APLP2: variants seen among roughly 807,000 people sequenced by gnomAD.
APLP2 encodes the protein CDEI box-binding protein.
Under a neutral mutation model 89.9 loss-of-function variants are expected in APLP2, and 53 were observed. That is an observed-to-expected ratio of 0.59 (90% CI 0.47 to 0.74). The LOEUF (loss-of-function observed/expected upper bound fraction) is 0.74, where lower values mean the gene tolerates loss of function less well. APLP2 is among the 30% of genes least tolerant of loss of function. The probability of loss-of-function intolerance (pLI) is 0.00; values close to 1 mark genes in which losing one functional copy is unlikely to be tolerated. For missense variants in APLP2, 973 were observed against 975.9 expected (o/e 1.00, Z 0.04); for synonymous variants, 372 against 348.6 (o/e 1.07, Z -0.75).
intron 1 of APLP2, among the ~76,000 whole-genome samples, chr11:130,080,447 C>T (rs1942948709): frequency 6.6e-6 from 1 of 151,968 alleles, no homozygotes; most frequent in Non-Finnish European, 1.5e-5. Flanking sequence ...TCAAGTGATC[C>T]ACCCACCTTG....
intron 1 of APLP2, among the ~76,000 whole-genome samples, chr11:130,092,728 A>G (rs1169462662): frequency 6.9e-6 from 1 of 145,566 alleles, no homozygotes; most frequent in East Asian, 2.2e-4. Context: ...GGGGAGGGAG[A>G]GGGAGCTCTG....
chr11:130,098,196 G>A (rs1565566884), intron 1 of APLP2, among the ~76,000 whole-genome samples: 1 of 152,098 alleles, frequency 6.6e-6, no homozygotes, highest in Non-Finnish European at 1.5e-5. Context: ...CATGAGGTCA[G>A]GAGATGGAGA....
intron 7 of APLP2, among the ~76,000 whole-genome samples, chr11:130,124,656 C>T (rs1333997581): frequency 1.3e-5 from 2 of 152,212 alleles, no homozygotes; most frequent in East Asian, 1.9e-4. Context: ...GCTATAGCTT[C>T]TGACGGTTTT....
At chr11:130,136,531 C>T (rs960489041) in intron 13 of APLP2, among the ~76,000 whole-genome samples, 1 of 152,144 alleles carries the variant, frequency 6.6e-6, no homozygotes, top group Admixed American at 6.5e-5. Flanking sequence ...CGAATCCAAG[C>T]TGATCTGGTC....
At position 130,144,391 on chromosome 11, in the gene APLP2, A is replaced by C. The variant is rs966123043; in HGVS notation, c.*943A>C. On this transcript the variant is annotated 3_prime_UTR_variant, in exon 17 of 17. Coordinates refer to ENST00000338167, the MANE Select transcript of APLP2 (RefSeq NM_001142276.2). ...CGGCCTTGTGACATTCACTCAGAGA[A>C]GACCACACCAAGGAGGCGGCCGCTG... 2.0e-5 allele frequency: 3 copies of C among 152,284 alleles called. No individual in the cohort carries two copies. Among genetic ancestry groups the C allele is most frequent in the African/African-American group, 7.2e-5 (3 of 41,434 alleles). 9.4% of individuals were successfully genotyped at this position (152,284 alleles called of 1,614,324 possible).
At chr11:130,106,664 C>G (rs762246337) in intron 1 of APLP2, among the ~76,000 whole-genome samples, 2 of 151,380 alleles carry the variant, frequency 1.3e-5, no homozygotes, top group Non-Finnish European at 2.9e-5. Context: ...CTTCCTTGAT[C>G]AGCTTCCTAC....
chr11:130,091,760 G>A, intron 1 of APLP2, among the ~76,000 whole-genome samples: 1 of 149,698 alleles, frequency 6.7e-6, no homozygotes, highest in African/African-American at 2.5e-5. Context: ...CGGCTGGCCA[G>A]GCGGGGGGCT....
intron 3 of APLP2, among the ~76,000 whole-genome samples, chr11:130,114,541 C>T (rs1157985499): frequency 6.6e-6 from 1 of 152,192 alleles, no homozygotes; most frequent in Admixed American, 6.5e-5. Flanking sequence ...CCAGTGGGGG[C>T]CCCGTTATGC....
chr11:130,104,714 C>T (rs765682843), intron 1 of APLP2, among the ~76,000 whole-genome samples: 6 of 152,108 alleles, frequency 3.9e-5, no homozygotes, highest in African/African-American at 7.2e-5. Flanking sequence ...TGTAGCTTCA[C>T]GTGCATTCAT....
Position 130,072,136 on chromosome 11 carries a change from A to G in APLP2, c.105+2054A>G, listed in dbSNP as rs968073516. ...ACACCTGTTTAAAAAGAAAAAGCTC[A>G]CCTCTGGACTCAGGGTCACTTCCTC... On this transcript the variant is annotated intron_variant, in intron 1 of 16. Transcript: ENST00000338167. Among the ~76,000 whole-genome samples, 7 of 152,098 alleles carry G rather than the reference A, an allele frequency of 4.6e-5. No individual in the cohort carries two copies. In the East Asian group the frequency reaches 1.3e-3, roughly 29 times the overall value.
chr11:130,120,059 G>T (rs1219401514), intron 3 of APLP2, among the ~76,000 whole-genome samples: 1 of 152,180 alleles, frequency 6.6e-6, no homozygotes, highest in Non-Finnish European at 1.5e-5. Flanking sequence ...GTTTTAGCAT[G>T]ATTAGATTCA....
chr11:130,127,666 G>GT, intron 8 of APLP2, 100 bp from the exon 9 acceptor site: 1 of 996,398 alleles, frequency 1.0e-6, no homozygotes, highest in South Asian at 1.3e-5. Flanking sequence ...TCCTTTTGCA[G>GT]TTTCCTGTGA....
Position 130,132,604 on chromosome 11 carries a change from C to CTT in APLP2, c.1585-1011_1585-1010dup, listed in dbSNP as rs61481686. Reference sequence around the variant, plus strand: ...AAAAATAGTGACCACTTCTAATGGCCTTTTTTTTTTTTTTTAAATAATGAA... The same window carrying CTT: ...AAAAATAGTGACCACTTCTAATGGCCTTTTTTTTTTTTTTTTTAAATAATGAA... On this transcript the variant is annotated intron_variant, in intron 11 of 16. Coordinates refer to ENST00000338167, the MANE Select transcript of APLP2 (RefSeq NM_001142276.2). 6.8e-3 allele frequency among the ~76,000 whole-genome samples: 907 copies of CTT among 134,102 alleles called. 50 individuals are homozygous for CTT. In the East Asian group the frequency reaches 0.14, roughly 21 times the overall value. The allele number at this position is 134,102 out of a possible 152,430, so 88.0% of individuals were successfully genotyped here. A position where few individuals can be genotyped will look rare whatever the true frequency, so the allele number is the denominator to read the frequency against.
intron 16 of APLP2, among the ~76,000 whole-genome samples, chr11:130,142,912 C>G (rs181909670): frequency 6.6e-6 from 1 of 152,184 alleles, no homozygotes; most frequent in Non-Finnish European, 1.5e-5. Context: ...TGCACCTGGC[C>G]AGTTACTTGG....
intron 3 of APLP2, among the ~76,000 whole-genome samples, chr11:130,111,462 T>C (rs1439980209): frequency 6.6e-6 from 1 of 152,218 alleles, no homozygotes; most frequent in Admixed American, 6.5e-5. Flanking sequence ...TGAGTGGTTC[T>C]GTAGCTATAT....
At chr11:130,100,849 T>G (rs1946813568) in intron 1 of APLP2, among the ~76,000 whole-genome samples, 1 of 152,210 alleles carries the variant, frequency 6.6e-6, no homozygotes, top group South Asian at 2.1e-4. Flanking sequence ...TGTTAAAAAA[T>G]CAAAAGACCA....
rs769707149 is a variant in APLP2, at chr11:130,127,777, A to C, written c.1233A>C (p.Glu411Asp). Residue 411 changes from glutamate (E) to aspartate (D), a missense_variant, in exon 9 of 17, where the codon GAA (glutamate) becomes GAC (aspartate). Transcript: ENST00000338167. Reference sequence around the variant, plus strand: ...GACCTTTGTTCTAGGTAAAGAAGGAATGGGAAGAGGCAGAGCTTCAAGCTA... The same window carrying C: ...GACCTTTGTTCTAGGTAAAGAAGGACTGGGAAGAGGCAGAGCTTCAAGCTA... ...HRNRMDRVKK[E>D]WEEAELQAKN... The C allele has an allele frequency of 6.2e-7, 1 of 1,614,162 alleles. No homozygotes were observed. The highest frequency in any genetic ancestry group is 8.5e-7 in the Non-Finnish European group (1 of 1,179,996).
intron 1 of APLP2, among the ~76,000 whole-genome samples, chr11:130,071,279 C>T (rs1565541884): frequency 1.3e-5 from 2 of 152,160 alleles, no homozygotes; most frequent in Non-Finnish European, 2.9e-5. Flanking sequence ...AAAAATAAAT[C>T]TAATAAAAAG....
At position 130,069,976 on chromosome 11, in the gene APLP2, G is replaced by A; in HGVS notation, c.-2G>A. On this transcript the variant is annotated 5_prime_UTR_variant, in exon 1 of 17. Coordinates refer to ENST00000338167, the MANE Select transcript of APLP2 (RefSeq NM_001142276.2). ...CCGCGCGCTAGAGCGACCCGGCGAG[G>A]GATGGCGGCCACCGGGACCGCGGCC... is the stretch of plus-strand genomic sequence containing the variant. 1 of 1,505,298 alleles carries A rather than the reference G, an allele frequency of 6.6e-7. No homozygotes were observed. The highest frequency in any genetic ancestry group is 8.8e-7 in the Non-Finnish European group (1 of 1,131,466). The allele number at this position is 1,505,298 out of a possible 1,614,324, so 93.2% of individuals were successfully genotyped here. A position where few individuals can be genotyped will look rare whatever the true frequency, so the allele number is the denominator to read the frequency against.
Sources: gnomAD v4.1 joint callset for allele counts (sites outside exome capture counted in the v4.1 genomes callset) on GRCh38, gnomAD v4.1.1 for gene constraint, MANE v1.5 for transcripts, NCBI Gene and HGNC (gene_info 2026-07-23, HGNC 2026-07-21) for gene names.